The following EPB41L5 variants were observed in gnomAD, a reference collection of about 807,000 sequenced individuals.
The protein encoded by EPB41L5 is erythrocyte membrane protein band 4.1 like 5, also known as band 4.1-like protein 5.
EPB41L5 carries 55 observed loss-of-function variants against 106.6 expected under a neutral mutation model. That is an observed-to-expected ratio of 0.52 (90% CI 0.42 to 0.65). The LOEUF (loss-of-function observed/expected upper bound fraction) is 0.65. Ranked by LOEUF, EPB41L5 falls within the 30% of genes least tolerant of loss-of-function variation. The probability of loss-of-function intolerance (pLI) is 0.00; values close to 1 mark genes in which losing one functional copy is unlikely to be tolerated. For synonymous variants in EPB41L5, 297 were observed against 306.7 expected, an observed-to-expected ratio of 0.97 and a Z score of 0.33; for missense variants, 871 against 882.1, an observed-to-expected ratio of 0.99 and a Z score of 0.16.
chr2:120,127,692 C>A lies in EPB41L5; in HGVS notation c.1342C>A (p.Pro448Thr). Reference protein sequence around the residue: ...GTDQHDRKCIPLNIDLLNSPD... With the variant: ...GTDQHDRKCITLNIDLLNSPD... Reference sequence around the variant, plus strand: ...AATTTTCTATTTCCATTGCAGCATTCCTCTGAATATTGATTTGCTGAATAG... The same window carrying A: ...AATTTTCTATTTCCATTGCAGCATTACTCTGAATATTGATTTGCTGAATAG... The change falls in exon 17 of 25, where the codon CCT becomes ACT. Residue 448 changes from proline (P) to threonine (T), a missense_variant. Transcript: ENST00000263713. 5 of 1,593,582 alleles carry A rather than the reference C, an allele frequency of 3.1e-6. No individual in the cohort carries two copies. Among genetic ancestry groups the A allele is most frequent in the Non-Finnish European group, 4.3e-6 (5 of 1,167,322 alleles).
chr2:120,057,365 T>C (rs1200947906), intron 3 of EPB41L5, among the ~76,000 whole-genome samples: 2 of 152,204 alleles, frequency 1.3e-5, no homozygotes, highest in Non-Finnish European at 2.9e-5. Context: ...AAATGTAATT[T>C]AATATCCTTT....
At chr2:120,061,316 G>A (rs949449211) in intron 3 of EPB41L5, among the ~76,000 whole-genome samples, 2 of 147,600 alleles carry the variant, frequency 1.4e-5, no homozygotes, top group African/African-American at 2.5e-5. Flanking sequence ...TCCGCCTCCC[G>A]GGTTCACGCC....
At chr2:120,165,551 A>G (rs947930887) in intron 22 of EPB41L5, among the ~76,000 whole-genome samples, 6 of 152,234 alleles carry the variant, frequency 3.9e-5, no homozygotes, top group Non-Finnish European at 5.9e-5. Flanking sequence ...GTACAGACAC[A>G]ACCATCCTTT....
intron 16 of EPB41L5, among the ~76,000 whole-genome samples, chr2:120,110,902 A>C (rs1223186249): frequency 1.3e-5 from 2 of 152,042 alleles, no homozygotes; most frequent in African/African-American, 4.8e-5. Flanking sequence ...TTGGCCTCCC[A>C]AAGTGCTGGG....
At chr2:120,073,149 T>C in intron 3 of EPB41L5, 29 bp from the exon 4 acceptor site, 3 of 1,599,692 alleles carry the variant, frequency 1.9e-6, no homozygotes, top group Non-Finnish European at 2.6e-6. Flanking sequence ...TGTCATCTGC[T>C]TAACTAAATT....
In EPB41L5 at chr2:120,042,011, A is replaced by G. The variant is rs763515537; in HGVS notation, c.186A>G (p.Lys62=). The G allele has an allele frequency of 6.2e-7, 1 of 1,608,972 alleles. No homozygotes were observed. The highest frequency in any genetic ancestry group is 2.2e-5 in the East Asian group (1 of 44,760). The stretch of plus-strand genomic sequence containing the variant: ...TTATTATCTTGCCATTTCAGAAAAA[A>G]GCCAAAGGACAAGAGTTGTTTGATC... The part of the protein sequence containing the change: ...GTDVSVDLPK[K]AKGQELFDQI... The change falls in exon 3 of 25, where the codon AAA becomes AAG. Residue 62 remains lysine, a synonymous_variant. Transcript: ENST00000263713.
chr2:120,140,551 G>GC (rs1214059635), intron 18 of EPB41L5, among the ~76,000 whole-genome samples: 2 of 151,904 alleles, frequency 1.3e-5, no homozygotes, highest in African/African-American at 2.4e-5. Context: ...TAGAAGTTGA[G>GC]CCCCCCGATC....
At chr2:120,054,343 C>T (rs1680489333) in intron 3 of EPB41L5, among the ~76,000 whole-genome samples, 1 of 152,138 alleles carries the variant, frequency 6.6e-6, no homozygotes, top group Non-Finnish European at 1.5e-5. Flanking sequence ...CTTTTTTCCC[C>T]TACTTTTCAC....
At chr2:120,140,431 A>G (rs138871880) in intron 18 of EPB41L5, among the ~76,000 whole-genome samples, 2 of 152,154 alleles carry the variant, frequency 1.3e-5, no homozygotes, top group Non-Finnish European at 2.9e-5. Context: ...TACAAGTACT[A>G]TGTACCCATA....
At chr2:120,047,361 T>G (rs1036499719) in intron 3 of EPB41L5, among the ~76,000 whole-genome samples, 1 of 152,164 alleles carries the variant, frequency 6.6e-6, no homozygotes, top group Admixed American at 6.5e-5. Context: ...TAGTTCTCCT[T>G]GAAGAGGTCC....
intron 16 of EPB41L5, among the ~76,000 whole-genome samples, chr2:120,115,796 T>TGTTAC (rs952720690): frequency 4.6e-5 from 7 of 152,040 alleles, no homozygotes; most frequent in South Asian, 2.1e-4. Flanking sequence ...TGTTGTGTTA[T>TGTTAC]GTTACGTTAC....
intron 2 of EPB41L5, among the ~76,000 whole-genome samples, chr2:120,026,985 A>G (rs1412780744): frequency 1.3e-5 from 2 of 152,232 alleles, no homozygotes; most frequent in African/African-American, 2.4e-5. Context: ...CATCACAGAA[A>G]TGCAAAATAA....
At chr2:120,068,817 T>C (rs1205724637) in intron 3 of EPB41L5, among the ~76,000 whole-genome samples, 2 of 112,254 alleles carry the variant, frequency 1.8e-5, no homozygotes, top group African/African-American at 5.4e-5. Flanking sequence ...TACCAAGCAA[T>C]TGGAACGTTA....
rs1016946448 is a variant in EPB41L5 at position 120,041,316 on chromosome 2, G to A, written c.181-690G>A. On this transcript the variant is annotated intron_variant, in intron 2 of 24. Transcript: ENST00000263713. ...GTGTTGTTTTGTTTCAGGTATATAA[G>A]AAACCTAGGACCTCATGAATCTTTT... Among the ~76,000 whole-genome samples the A allele has an allele frequency of 2.6e-5, 4 of 152,240 alleles. No homozygotes were observed. In the South Asian group the frequency reaches 8.3e-4, roughly 32 times the overall value.
At chr2:120,064,972 A>G (rs1015616535) in intron 3 of EPB41L5, among the ~76,000 whole-genome samples, 1 of 152,146 alleles carries the variant, frequency 6.6e-6, no homozygotes, top group Non-Finnish European at 1.5e-5. Flanking sequence ...TCACTTTAAC[A>G]TGTGTTTGAT....
In EPB41L5 at chr2:120,127,764, G is replaced by A; in HGVS notation, c.1414G>A (p.Asp472Asn). 6.2e-7 allele frequency: 1 copy of A among 1,613,856 alleles called. No homozygotes were observed. Among genetic ancestry groups the A allele is most frequent in the Non-Finnish European group, 8.5e-7 (1 of 1,179,802 alleles). ...GATTGGTGATGTAATTGGGGCATCT[G>A]ACACTATGGAAACATCCCAAGCACT... is the stretch of plus-strand genomic sequence containing the variant. ...ATIGDVIGAS[D>N]TMETSQALND... The change falls in exon 17 of 25, where the codon GAC becomes AAC. Residue 472 changes from aspartate (D) to asparagine (N), a missense_variant. Coordinates refer to ENST00000263713, the MANE Select transcript of EPB41L5 (RefSeq NM_020909.4).
chr2:120,042,995 A>ATGTGTGTGTGTGTGTGTGTGTGTG (rs60253351), intron 3 of EPB41L5, among the ~76,000 whole-genome samples: 1 of 70,030 alleles, frequency 1.4e-5, no homozygotes, highest in African/African-American at 3.6e-5. Context: ...TTTTCTGGAA[A>ATGTGTGTGTGTGTGTGTGTGTGTG]TGTGTGTGTG....
At chr2:120,161,676 A>G (rs553190128) in intron 21 of EPB41L5, among the ~76,000 whole-genome samples, 3 of 152,270 alleles carry the variant, frequency 2.0e-5, no homozygotes, top group African/African-American at 7.2e-5. Flanking sequence ...TCGGACCGGT[A>G]CTGGTCCATG....
intron 2 of EPB41L5, among the ~76,000 whole-genome samples, chr2:120,020,844 C>T (rs1287115784): frequency 2.0e-5 from 3 of 150,334 alleles, no homozygotes; most frequent in African/African-American, 2.5e-5. Flanking sequence ...TTTTTAAAAA[C>T]GCAGTGCAGT....
Sources: gnomAD v4.1 joint callset for allele counts (sites outside exome capture counted in the v4.1 genomes callset) on GRCh38, gnomAD v4.1.1 for gene constraint, MANE v1.5 for transcripts, NCBI Gene and HGNC (gene_info 2026-07-23, HGNC 2026-07-21) for gene names.